Variants in KIAA1328 observed in about 807,000 individuals in gnomAD.
KIAA1328 encodes KIAA1328, also known as protein hinderin.
KIAA1328 carries 52 observed loss-of-function variants against 68.1 expected under a neutral mutation model. That is an observed-to-expected ratio of 0.76 (90% CI 0.61 to 0.96). The LOEUF (loss-of-function observed/expected upper bound fraction) is 0.96. KIAA1328 is among the 40% of genes least tolerant of loss of function. The pLI, the probability that KIAA1328 is intolerant of heterozygous loss-of-function variation, is 0.00. For synonymous variants in KIAA1328, 232 were observed against 239.4 expected (o/e 0.97, Z 0.28); for missense variants, 641 against 677.6 (o/e 0.95, Z 0.60).
intron 6 of KIAA1328, among the ~76,000 whole-genome samples, chr18:37,032,600 T>G (rs1452349978): frequency 6.6e-6 from 1 of 152,110 alleles, no homozygotes; most frequent in African/African-American, 2.4e-5. Context: ...TTCATCACTT[T>G]CATAATATTG....
chr18:36,829,810 G>A (rs1010269408), intron 1 of KIAA1328, among the ~76,000 whole-genome samples: 6 of 152,188 alleles, frequency 3.9e-5, no homozygotes, highest in African/African-American at 7.2e-5. Flanking sequence ...TGACTTACTT[G>A]TGGAGTGCGG....
intron 4 of KIAA1328, among the ~76,000 whole-genome samples, chr18:36,853,789 GC>G (rs1302552869): frequency 6.6e-6 from 1 of 152,100 alleles, no homozygotes; most frequent in Non-Finnish European, 1.5e-5. Flanking sequence ...CTCCCGCGTA[GC>G]TGTTACAGGT....
chr18:36,939,984 C>G (rs757188999), intron 5 of KIAA1328, among the ~76,000 whole-genome samples: 16 of 148,546 alleles, frequency 1.1e-4, no homozygotes, highest in African/African-American at 3.9e-4. Flanking sequence ...TCTCAGATAT[C>G]TTTTGAAAGA....
chr18:37,216,243 G>T (rs147923515), intron 9 of KIAA1328, among the ~76,000 whole-genome samples: 2 of 152,102 alleles, frequency 1.3e-5, no homozygotes, highest in Non-Finnish European at 2.9e-5. Context: ...ATGTTAGGGT[G>T]TTGATTTTAG....
rs147816399 is a variant in KIAA1328, at chr18:37,190,253, C to T, written c.1523+17172C>T. Reference sequence around the variant, plus strand: ...GAGAATGTACATGTTTCTCTCATAACTTACTCTAGGAATGCTACAAAATAT... The same window carrying T: ...GAGAATGTACATGTTTCTCTCATAATTTACTCTAGGAATGCTACAAAATAT... On this transcript the variant is annotated intron_variant, in intron 9 of 9. Coordinates refer to ENST00000280020, the MANE Select transcript of KIAA1328 (RefSeq NM_020776.3). Among the ~76,000 whole-genome samples, 198 of 152,260 alleles carry T rather than the reference C, an allele frequency of 1.3e-3. 3 individuals are homozygous for T. In the Middle Eastern group the frequency reaches 0.024, roughly 18 times the overall value.
At chr18:36,958,979 C>G (rs1216703120) in intron 5 of KIAA1328, among the ~76,000 whole-genome samples, 3 of 151,806 alleles carry the variant, frequency 2.0e-5, no homozygotes, top group Non-Finnish European at 4.4e-5. Flanking sequence ...ATCAATGATG[C>G]ATTTTCAGCT....
At chr18:36,931,670 C>T (rs538333365) in intron 5 of KIAA1328, among the ~76,000 whole-genome samples, 1 of 151,820 alleles carries the variant, frequency 6.6e-6, no homozygotes, top group Non-Finnish European at 1.5e-5. Context: ...ATTTTTTATT[C>T]ATTTTAAATA....
At chr18:36,999,536 C>T (rs922048631) in intron 6 of KIAA1328, among the ~76,000 whole-genome samples, 1 of 152,138 alleles carries the variant, frequency 6.6e-6, no homozygotes, top group Admixed American at 6.5e-5. Context: ...CATTTGCTCA[C>T]CTACAAAGGA....
intron 6 of KIAA1328, among the ~76,000 whole-genome samples, chr18:37,004,130 G>A (rs575491701): frequency 6.6e-6 from 1 of 151,942 alleles, no homozygotes; most frequent in African/African-American, 2.4e-5. Context: ...AAGAATGATG[G>A]TGGTGTTTTG....
chr18:36,933,090 A>G (rs2050370999), intron 5 of KIAA1328, among the ~76,000 whole-genome samples: 1 of 152,146 alleles, frequency 6.6e-6, no homozygotes, highest in Non-Finnish European at 1.5e-5. Context: ...TTTGCATTCA[A>G]CACACATATA....
intron 7 of KIAA1328, among the ~76,000 whole-genome samples, chr18:37,144,675 A>C (rs1380995885): frequency 2.0e-5 from 3 of 151,744 alleles, no homozygotes; most frequent in Non-Finnish European, 4.4e-5. Context: ...ACTACAGGCA[A>C]ACACCACCAC....
chr18:37,173,057 C>G lies in KIAA1328; in HGVS notation c.1499C>G (p.Pro500Arg). 1 of 1,613,096 alleles carries G rather than the reference C, an allele frequency of 6.2e-7. No individual in the cohort carries two copies. ...SLKDFVTTAS[P>R]SLQHTTSRYE... ...AAGGATTTTGTCACCACAGCCTCAC[C>G]ATCATTACAGCACACCACCTCCCGG... Residue 500 changes from proline (P) to arginine (R), a missense_variant, in exon 9 of 10, where the codon CCA becomes CGA. Pro to Arg is a moderately radical substitution (Grantham distance 103). Transcript: ENST00000280020.
intron 6 of KIAA1328, among the ~76,000 whole-genome samples, chr18:36,989,308 G>C (rs1432515943): frequency 6.6e-6 from 1 of 152,136 alleles, no homozygotes; most frequent in Non-Finnish European, 1.5e-5. Flanking sequence ...GTGTTCATTT[G>C]CTTTAAAAGC....
chr18:36,868,070 AC>A (rs1220226703), intron 4 of KIAA1328, among the ~76,000 whole-genome samples: 2 of 152,186 alleles, frequency 1.3e-5, no homozygotes, highest in African/African-American at 4.8e-5. Flanking sequence ...TGCTCAGGAA[AC>A]TTTTTTGCTT....
At chr18:36,994,401 A>G (rs749166602) in intron 6 of KIAA1328, among the ~76,000 whole-genome samples, 20 of 152,342 alleles carry the variant, frequency 1.3e-4, no homozygotes, top group East Asian at 1.2e-3. Context: ...AGCTTTTTCT[A>G]TAACACATAA....
At chr18:36,969,991 A>G (rs139925703) in intron 6 of KIAA1328, among the ~76,000 whole-genome samples, 3,537 of 152,316 alleles carry the variant, frequency 0.023, 134 homozygotes, top group African/African-American at 0.081. Context: ...AAAACCTGGC[A>G]GAGACACAGC....
At chr18:36,987,401 G>T (rs1773943858) in intron 6 of KIAA1328, among the ~76,000 whole-genome samples, 1 of 146,550 alleles carries the variant, frequency 6.8e-6, no homozygotes, top group South Asian at 2.3e-4. Context: ...CACGTTAGTG[G>T]GTGCAGCGCA....
chr18:37,169,594 T>C (rs926268366), intron 8 of KIAA1328, among the ~76,000 whole-genome samples: 1 of 152,162 alleles, frequency 6.6e-6, no homozygotes, highest in Non-Finnish European at 1.5e-5. Context: ...TAATTGTTGG[T>C]ATACTTAATA....
At chr18:37,105,522 G>C (rs964746779) in intron 7 of KIAA1328, among the ~76,000 whole-genome samples, 26 of 117,468 alleles carry the variant, frequency 2.2e-4, no homozygotes, top group African/African-American at 9.0e-4. Flanking sequence ...AAAAAAAAAA[G>C]AGCACTACTG....
Sources: allele counts gnomAD v4.1 joint callset (sites outside exome capture counted in the v4.1 genomes callset), GRCh38; gene constraint gnomAD v4.1.1; transcripts MANE v1.5; gene names NCBI Gene and HGNC (gene_info 2026-07-23, HGNC 2026-07-21).